The following INPP4B variants were observed in gnomAD, a reference collection of about 807,000 sequenced individuals.
INPP4B encodes the protein inositol polyphosphate-4-phosphatase type II B, also known as inositol polyphosphate 4-phosphatase type II.
In INPP4B, 55 loss-of-function variants were observed where a neutral mutation model predicts 122.5. The ratio of observed to expected loss-of-function variants is 0.45; its 90% CI spans 0.36 to 0.56. The LOEUF is 0.56. Ranked by LOEUF, INPP4B falls within the 20% of genes least tolerant of loss-of-function variation. INPP4B has a pLI of 0.00. For synonymous variants in INPP4B, 403 were observed against 388.7 expected, an observed-to-expected ratio of 1.04 and a Z score of -0.43; for missense variants, 1,000 against 1,097.7, an observed-to-expected ratio of 0.91 and a Z score of 1.26.
intron 18 of INPP4B, among the ~76,000 whole-genome samples, chr4:142,134,543 A>G (rs1470123184): frequency 6.6e-6 from 1 of 152,114 alleles, no homozygotes; most frequent in Non-Finnish European, 1.5e-5. Flanking sequence ...ATTTGTAAGT[A>G]TACTCTAGTT....
chr4:142,254,664 A>C (rs1219347941), intron 11 of INPP4B, among the ~76,000 whole-genome samples: 1 of 152,110 alleles, frequency 6.6e-6, no homozygotes, highest in Non-Finnish European at 1.5e-5. Context: ...AAAAAGAATA[A>C]AAAGAAATGA....
At chr4:142,091,212 C>CT (rs1451620083) in intron 23 of INPP4B, among the ~76,000 whole-genome samples, 1 of 152,100 alleles carries the variant, frequency 6.6e-6, no homozygotes, top group Non-Finnish European at 1.5e-5. Context: ...ATGATTTGTT[C>CT]TTTTTTGTTT....
intron 2 of INPP4B, among the ~76,000 whole-genome samples, chr4:142,647,345 T>C (rs1337793941): frequency 6.6e-6 from 1 of 152,134 alleles, no homozygotes; most frequent in Non-Finnish European, 1.5e-5. Flanking sequence ...GGAAATGAAA[T>C]TCAGTTAATG....
At chr4:142,068,806 A>G (rs1404340176) in intron 25 of INPP4B, among the ~76,000 whole-genome samples, 1 of 152,224 alleles carries the variant, frequency 6.6e-6, no homozygotes, top group African/African-American at 2.4e-5. Context: ...TATGCACCCA[A>G]TACAGGAGCA....
At chr4:142,788,772 T>A (rs1415911434) in intron 1 of INPP4B, among the ~76,000 whole-genome samples, 3 of 152,114 alleles carry the variant, frequency 2.0e-5, no homozygotes, top group African/African-American at 7.2e-5. Context: ...TCCAATCTCA[T>A]CCAGGTTGCT....
chr4:142,475,161 T>C (rs1819596728), intron 2 of INPP4B, among the ~76,000 whole-genome samples: 2 of 152,132 alleles, frequency 1.3e-5, no homozygotes, highest in South Asian at 4.1e-4. Flanking sequence ...AATTTGGGCA[T>C]AGAGACAATA....
chr4:142,495,648 C>T (rs368406373), intron 2 of INPP4B, among the ~76,000 whole-genome samples: 6 of 152,122 alleles, frequency 3.9e-5, no homozygotes, highest in African/African-American at 1.4e-4. Context: ...CAGCACTCTG[C>T]ATTGTCATTT....
At chr4:142,652,745 C>A (rs1242836009) in intron 2 of INPP4B, among the ~76,000 whole-genome samples, 2 of 152,190 alleles carry the variant, frequency 1.3e-5, no homozygotes, top group African/African-American at 4.8e-5. Flanking sequence ...ATTCCATGCT[C>A]ATGGATAGAA....
chr4:142,602,995 G>A (rs1172358012), intron 2 of INPP4B, among the ~76,000 whole-genome samples: 1 of 152,076 alleles, frequency 6.6e-6, no homozygotes, highest in African/African-American at 2.4e-5. Context: ...CAAAGAAAAT[G>A]ATAGACTGGA....
chr4:142,765,540 T>C (rs764136524), intron 1 of INPP4B, among the ~76,000 whole-genome samples: 6 of 152,142 alleles, frequency 3.9e-5, no homozygotes, highest in Non-Finnish European at 8.8e-5. Flanking sequence ...TGAAAATAGA[T>C]GTATTTCCCC....
At chr4:142,333,541 C>G (rs1346404931) in intron 7 of INPP4B, among the ~76,000 whole-genome samples, 2 of 152,090 alleles carry the variant, frequency 1.3e-5, no homozygotes, top group African/African-American at 4.8e-5. Flanking sequence ...GATGTTATAG[C>G]AAAATAGGGT....
intron 2 of INPP4B, among the ~76,000 whole-genome samples, chr4:142,558,739 G>GAGC (rs1729765920): frequency 7.4e-6 from 1 of 134,950 alleles, no homozygotes; most frequent in African/African-American, 2.8e-5. Flanking sequence ...AGCTTGCAGT[G>GAGC]AGCAGAGATC....
chr4:142,079,619 G>A (rs914657812), intron 25 of INPP4B, among the ~76,000 whole-genome samples: 2 of 152,010 alleles, frequency 1.3e-5, no homozygotes, highest in Non-Finnish European at 2.9e-5. Context: ...TTTCTAAGGT[G>A]ACTTCTTTAT....
chr4:142,042,109 C>T (rs1477191058), intron 25 of INPP4B, among the ~76,000 whole-genome samples: 3 of 152,206 alleles, frequency 2.0e-5, no homozygotes, highest in East Asian at 1.9e-4. Flanking sequence ...TGCCTGTCAT[C>T]TACCGTCACT....
At chr4:142,619,435 C>A (rs2150366281) in intron 2 of INPP4B, among the ~76,000 whole-genome samples, 1 of 152,106 alleles carries the variant, frequency 6.6e-6, no homozygotes, top group African/African-American at 2.4e-5. Context: ...CTGCCATAGG[C>A]AACAACATGG....
chr4:142,429,167 T>G lies in INPP4B; in HGVS notation c.136+6A>C, dbSNP rs1808749827. ...TTATTGATATAAATAAGATGGAATT[T>G]CTTACCAAGGATGAATTCCAACTGC... On this transcript the variant is annotated splice_donor_region_variant and intron_variant, in intron 5 of 25. Transcript: ENST00000262992. 1.3e-6 allele frequency: 2 copies of G among 1,516,376 alleles called. No homozygotes were observed. The highest frequency in any genetic ancestry group is 1.7e-4 in the Middle Eastern group (1 of 5,838). 93.9% of individuals were successfully genotyped at this position (1,516,376 alleles called of 1,614,324 possible).
chr4:142,119,817 AC>A (rs1795713798), intron 21 of INPP4B, among the ~76,000 whole-genome samples: 1 of 46,104 alleles, frequency 2.2e-5, no homozygotes, highest in Non-Finnish European at 8.7e-5. Flanking sequence ...ACACACACAC[AC>A]ACACACATAC....
intron 2 of INPP4B, among the ~76,000 whole-genome samples, chr4:142,665,048 A>T (rs114717217): frequency 5.9e-5 from 9 of 152,216 alleles, no homozygotes; most frequent in African/African-American, 2.2e-4. Context: ...GTATATCTAA[A>T]CATATCTAAA....
intron 1 of INPP4B, among the ~76,000 whole-genome samples, chr4:142,841,151 C>T (rs982122909): frequency 1.3e-4 from 20 of 151,926 alleles, no homozygotes; most frequent in African/African-American, 2.7e-4. Flanking sequence ...TAGCAAGTTT[C>T]GCATAAGAAG....
Sources: allele counts gnomAD v4.1 joint callset (sites outside exome capture counted in the v4.1 genomes callset), GRCh38; gene constraint gnomAD v4.1.1; transcripts MANE v1.5; gene names NCBI Gene and HGNC (gene_info 2026-07-23, HGNC 2026-07-21).